KMT2E: variants seen among roughly 807,000 people sequenced by gnomAD.
KMT2E encodes the protein histone reader KMT2E.
KMT2E carries 30 observed loss-of-function variants against 184.6 expected under a neutral mutation model. The ratio of observed to expected loss-of-function variants is 0.16; its 90% CI spans 0.12 to 0.22. The LOEUF (loss-of-function observed/expected upper bound fraction) is 0.22. KMT2E is among the 10% of genes least tolerant of loss of function. The probability of loss-of-function intolerance (pLI) is 1.00; values close to 1 mark genes in which losing one functional copy is unlikely to be tolerated. For missense variants in KMT2E, 2,023 were observed against 2,237.4 expected (o/e 0.90, Z 1.93); for synonymous variants, 815 against 776.5 (o/e 1.05, Z -0.82).
At chr7:105,101,347 T>C (rs1017128659) in intron 15 of KMT2E, 78 bp from the exon 16 acceptor site, 16 of 1,000,540 alleles carry the variant, frequency 1.6e-5, no homozygotes, top group Non-Finnish European at 1.9e-5. Flanking sequence ...ATTTTTTACA[T>C]TTATCACAAA....
intron 1 of KMT2E, among the ~76,000 whole-genome samples, chr7:105,022,874 C>T (rs1418292776): frequency 6.6e-6 from 1 of 151,882 alleles, no homozygotes; most frequent in Non-Finnish European, 1.5e-5. Flanking sequence ...TCCAGTTTTT[C>T]TGTAAGGCAT....
intron 1 of KMT2E, among the ~76,000 whole-genome samples, chr7:105,026,914 T>C (rs2129564299): frequency 6.6e-6 from 1 of 152,254 alleles, no homozygotes; most frequent in East Asian, 1.9e-4. Context: ...AAGTAAATAG[T>C]TCATTAAGGA....
chr7:105,034,408 T>C (rs778113667), intron 1 of KMT2E, among the ~76,000 whole-genome samples: 51 of 152,222 alleles, frequency 3.4e-4, no homozygotes, highest in Admixed American at 2.0e-3. Context: ...AATTTTTTTA[T>C]TTTTGTGGAG....
At chr7:105,103,827 CTTTT>C (rs66584948) in intron 17 of KMT2E, 7 of 117,604 alleles carry the variant, frequency 6.0e-5, no homozygotes, top group Non-Finnish European at 8.5e-5. Context: ...TTTTCTTTTT[CTTTT>C]TTTTTTTTTT....
intron 1 of KMT2E, among the ~76,000 whole-genome samples, chr7:105,033,431 A>AT (rs1272573345): frequency 2.0e-5 from 3 of 152,206 alleles, no homozygotes; most frequent in African/African-American, 7.2e-5. Context: ...CTATAACAGA[A>AT]TATCTGAGAC....
chr7:105,028,979 CT>C (rs1360015633), intron 1 of KMT2E, among the ~76,000 whole-genome samples: 1 of 152,066 alleles, frequency 6.6e-6, no homozygotes, highest in Non-Finnish European at 1.5e-5. Flanking sequence ...GAAAACTACT[CT>C]AAGGCCGGGC....
Position 105,107,400 on chromosome 7 carries a change from T to C in KMT2E, c.2943T>C (p.Pro981=). 6.2e-7 allele frequency: 1 copy of C among 1,605,180 alleles called. No individual in the cohort carries two copies. The highest frequency in any genetic ancestry group is 8.5e-7 in the Non-Finnish European group (1 of 1,176,674). Residue 981 remains proline, a synonymous_variant, in exon 22 of 27, where the codon CCT becomes CCC. Transcript: ENST00000311117. ...CTTCAACCATGTTAACATTGGGGCC[T>C]TTTAGAAATTCTAATTTAACTGAAC... ...DRSSTMLTLG[P]FRNSNLTELG...
chr7:105,094,372 G>C (rs1798322381), intron 15 of KMT2E, among the ~76,000 whole-genome samples: 1 of 152,140 alleles, frequency 6.6e-6, no homozygotes. Context: ...CCTGTGACAA[G>C]ATAGACTTCC....
At chr7:105,108,341 G>T (rs1419022772) in intron 22 of KMT2E, among the ~76,000 whole-genome samples, 8 of 152,148 alleles carry the variant, frequency 5.3e-5, no homozygotes, top group Admixed American at 5.2e-4. Flanking sequence ...GGCCATGGAT[G>T]TAAGAGTGTT....
At chr7:105,096,262 A>AAG (rs1159075492) in intron 15 of KMT2E, among the ~76,000 whole-genome samples, 2 of 151,542 alleles carry the variant, frequency 1.3e-5, no homozygotes, top group Admixed American at 6.6e-5. Context: ...AAAAAAAAAA[A>AAG]AAAAAAAAAG....
intron 13 of KMT2E, among the ~76,000 whole-genome samples, chr7:105,085,688 A>ATTTTT (rs113145258): frequency 6.8e-6 from 1 of 147,570 alleles, no homozygotes; most frequent in Non-Finnish European, 1.5e-5. Flanking sequence ...CTTTAATTTG[A>ATTTTT]TTTTTTTTTT....
In KMT2E at chr7:105,040,836, C is replaced by T. The variant is rs1795847461; in HGVS notation, c.-114-3C>T. ...CTTTTTTGTCTCCTTTTCTTTTAAA[C>T]AGGGTTTGTGGATGCACTTAGATGT... On this transcript the variant is annotated splice_polypyrimidine_tract_variant and splice_region_variant and intron_variant, in intron 2 of 26. Coordinates refer to ENST00000311117, the MANE Select transcript of KMT2E (RefSeq NM_182931.3). 1 of 565,230 alleles carries T rather than the reference C, an allele frequency of 1.8e-6. No individual in the cohort carries two copies. The highest frequency in any genetic ancestry group is 3.2e-6 in the Non-Finnish European group (1 of 317,312). The allele number at this position is 565,230 out of a possible 1,614,324, so 35.0% of individuals were successfully genotyped here.
intron 9 of KMT2E, 81 bp from the exon 10 acceptor site, chr7:105,076,882 G>A: frequency 3.4e-6 from 1 of 296,788 alleles, no homozygotes; most frequent in African/African-American, 3.6e-5. Flanking sequence ...TTGTGTGTGT[G>A]TGTGTGTGTG....
chr7:105,036,711 G>A (rs746218407), intron 1 of KMT2E, among the ~76,000 whole-genome samples: 1 of 152,176 alleles, frequency 6.6e-6, no homozygotes, highest in Non-Finnish European at 1.5e-5. Context: ...GGAAGTTTGA[G>A]TATCAGATAA....
chr7:105,024,932 T>C (rs983321565), intron 1 of KMT2E, among the ~76,000 whole-genome samples: 2 of 152,118 alleles, frequency 1.3e-5, no homozygotes, highest in Non-Finnish European at 2.9e-5. Context: ...CCAGAACCTA[T>C]AGGCTATTTG....
rs1799161638 is a variant in KMT2E at position 105,110,361 on chromosome 7, A to G, written c.3837A>G (p.Lys1279=). 2 of 1,613,992 alleles carry G rather than the reference A, an allele frequency of 1.2e-6. No homozygotes were observed. The highest frequency in any genetic ancestry group is 1.3e-5 in the African/African-American group (1 of 74,920). ...TTCTCAGTGATCACCGAAAAGATAAAGATAGTGGTAAGTGAGCTTGTTCCT... is the reference window on the plus strand; with the variant it reads ...TTCTCAGTGATCACCGAAAAGATAAGGATAGTGGTAAGTGAGCTTGTTCCT... The part of the protein sequence containing the change: ...ALLLSDHRKD[K]DSGGESPCVS... The change falls in exon 24 of 27, where the codon AAA becomes AAG. Residue 1279 remains lysine (K), a synonymous_variant. Transcript: ENST00000311117.
chr7:105,028,906 T>C (rs930347808), intron 1 of KMT2E, among the ~76,000 whole-genome samples: 4 of 152,178 alleles, frequency 2.6e-5, no homozygotes, highest in Admixed American at 1.3e-4. Context: ...TTGATCCTTA[T>C]AAAGGACTAA....
chr7:105,040,417 TAGG>T (rs919739315), intron 2 of KMT2E, among the ~76,000 whole-genome samples: 20 of 152,140 alleles, frequency 1.3e-4, no homozygotes, highest in African/African-American at 4.1e-4. Flanking sequence ...ACCTTAGAAT[TAGG>T]AGGATTAAAT....
At chr7:105,110,206 T>C (rs1799150412) in intron 23 of KMT2E, 74 bp from the exon 24 acceptor site, 1 of 1,169,010 alleles carries the variant, frequency 8.6e-7, no homozygotes, top group South Asian at 1.2e-5. Flanking sequence ...TGACAGTACA[T>C]GTTGACTATG....
Sources: allele counts gnomAD v4.1 joint callset (sites outside exome capture counted in the v4.1 genomes callset), GRCh38; gene constraint gnomAD v4.1.1; transcripts MANE v1.5; gene names NCBI Gene and HGNC (gene_info 2026-07-23, HGNC 2026-07-21).